CCSER1: variants seen among roughly 807,000 people sequenced by gnomAD.
The protein encoded by CCSER1 is serine-rich coiled-coil domain-containing protein 1.
In CCSER1, 41 loss-of-function variants were observed where a neutral mutation model predicts 82.0. The observed-to-expected ratio is 0.50, with a 90% confidence interval of 0.39 to 0.65. The LOEUF is 0.65. Ranked by LOEUF, CCSER1 falls within the 30% of genes least tolerant of loss-of-function variation. CCSER1 has a pLI of 0.00. For missense variants in CCSER1, 1,119 were observed against 1,064.2 expected (o/e 1.05, Z -0.72); for synonymous variants, 414 against 383.9 (o/e 1.08, Z -0.92).
At chr4:91,463,149 C>T (rs754296934) in intron 10 of CCSER1, among the ~76,000 whole-genome samples, 3 of 152,206 alleles carry the variant, frequency 2.0e-5, no homozygotes, top group Non-Finnish European at 4.4e-5. Flanking sequence ...AAGTAACCCT[C>T]TGAGACAAAG....
chr4:90,541,620 A>G (rs1277603835), intron 5 of CCSER1, among the ~76,000 whole-genome samples: 1 of 152,088 alleles, frequency 6.6e-6, no homozygotes, highest in East Asian at 1.9e-4. Flanking sequence ...GTTAGCTGCT[A>G]TGTATAAATA....
At chr4:91,352,659 C>A (rs994882501) in intron 10 of CCSER1, among the ~76,000 whole-genome samples, 4 of 152,154 alleles carry the variant, frequency 2.6e-5, no homozygotes, top group African/African-American at 7.2e-5. Context: ...AACCTGATTT[C>A]TTAGACCAAA....
intron 9 of CCSER1, among the ~76,000 whole-genome samples, chr4:91,028,857 G>A (rs1372910481): frequency 6.6e-6 from 1 of 151,974 alleles, no homozygotes; most frequent in African/African-American, 2.4e-5. Context: ...TTACAATGTA[G>A]CAGAAACATA....
intron 8 of CCSER1, among the ~76,000 whole-genome samples, chr4:90,836,662 G>A (rs528356417): frequency 2.0e-5 from 3 of 152,342 alleles, no homozygotes; most frequent in East Asian, 1.9e-4. Context: ...ACACTAGAGT[G>A]TGTGGGCCAC....
At chr4:91,123,257 A>G (rs933884160) in intron 10 of CCSER1, among the ~76,000 whole-genome samples, 11 of 151,712 alleles carry the variant, frequency 7.3e-5, no homozygotes, top group African/African-American at 2.2e-4. Flanking sequence ...TCGATTAGTC[A>G]GATTCATTAT....
chr4:90,490,401 C>T (rs368382265), intron 5 of CCSER1, among the ~76,000 whole-genome samples: 7 of 152,104 alleles, frequency 4.6e-5, no homozygotes, highest in Non-Finnish European at 7.4e-5. Context: ...TGTTTGAGTT[C>T]ATTGTAGATT....
At chr4:90,615,374 TTGATC>T (rs1280904029) in intron 5 of CCSER1, among the ~76,000 whole-genome samples, 1 of 152,154 alleles carries the variant, frequency 6.6e-6, no homozygotes, top group Non-Finnish European at 1.5e-5. Flanking sequence ...GTTCTTCTGT[TTGATC>T]TGGGTAAAAT....
rs140163453 is a variant in CCSER1 at position 91,245,799 on chromosome 4, C to T, written c.2217+159805C>T. ...GTAACCTCTGCCTCCCAGGTTCAAA[C>T]GATTCTCCTGCCTCAGCCTCCTGAG... On this transcript the variant is annotated intron_variant, in intron 10 of 10. Transcript: ENST00000509176. 1.4e-3 allele frequency among the ~76,000 whole-genome samples: 207 copies of T among 152,238 alleles called. 1 individual carries two copies. Among genetic ancestry groups the T allele is most frequent in the Non-Finnish European group, 2.3e-3 (157 of 68,014 alleles).
chr4:90,303,142 T>G (rs990727941), intron 1 of CCSER1, among the ~76,000 whole-genome samples: 1 of 152,182 alleles, frequency 6.6e-6, no homozygotes, highest in Admixed American at 6.6e-5. Context: ...TTAGTATCTA[T>G]GATGTTTTTA....
intron 3 of CCSER1, among the ~76,000 whole-genome samples, chr4:90,355,458 T>C (rs1255529192): frequency 6.6e-6 from 1 of 151,986 alleles, no homozygotes; most frequent in Non-Finnish European, 1.5e-5. Flanking sequence ...TGTAATCCTA[T>C]AAAGGCTGTT....
At chr4:90,185,512 A>G (rs184605141) in intron 1 of CCSER1, among the ~76,000 whole-genome samples, 209 of 152,176 alleles carry the variant, frequency 1.4e-3, no homozygotes, top group African/African-American at 4.8e-3. Context: ...CTGCCTTGTG[A>G]TTAGGGAAAG....
chr4:90,370,575 T>C (rs1747220452), intron 3 of CCSER1: 1 of 152,060 alleles, frequency 6.6e-6, no homozygotes, highest in South Asian at 2.1e-4. Flanking sequence ...TTGTTTTGTA[T>C]GTCTTCTTTG....
intron 1 of CCSER1, among the ~76,000 whole-genome samples, chr4:90,131,999 A>G (rs981099672): frequency 6.6e-6 from 1 of 152,226 alleles, no homozygotes; most frequent in South Asian, 2.1e-4. Flanking sequence ...CAGTAAAGAA[A>G]TTGCACAAAT....
At chr4:90,290,629 C>T (rs1005308195) in intron 1 of CCSER1, among the ~76,000 whole-genome samples, 3 of 151,954 alleles carry the variant, frequency 2.0e-5, no homozygotes, top group African/African-American at 7.3e-5. Context: ...CTGTCTCTCT[C>T]TCTCTCGCTC....
chr4:90,625,316 C>T (rs1423701757), intron 5 of CCSER1, among the ~76,000 whole-genome samples: 1 of 151,994 alleles, frequency 6.6e-6, no homozygotes, highest in African/African-American at 2.4e-5. Context: ...ATTTTTCTGC[C>T]CAATAATGGC....
chr4:91,078,299 T>A (rs536713409), intron 9 of CCSER1, among the ~76,000 whole-genome samples: 10 of 152,216 alleles, frequency 6.6e-5, no homozygotes, highest in Non-Finnish European at 5.9e-5. Context: ...CCGCAGGTGA[T>A]ACCCAGGCAA....
chr4:91,451,281 G>A (rs1238268875), intron 10 of CCSER1, among the ~76,000 whole-genome samples: 1 of 151,848 alleles, frequency 6.6e-6, no homozygotes, highest in Non-Finnish European at 1.5e-5. Flanking sequence ...AAAATTTAAG[G>A]GCTTCAAACA....
chr4:90,211,893 A>G (rs1490620434), intron 1 of CCSER1, among the ~76,000 whole-genome samples: 1 of 152,206 alleles, frequency 6.6e-6, no homozygotes, highest in African/African-American at 2.4e-5. Flanking sequence ...AGAAGAAAAT[A>G]ACAAATAATC....
chr4:90,742,293 A>T (rs1041788396), intron 7 of CCSER1, among the ~76,000 whole-genome samples: 5 of 152,184 alleles, frequency 3.3e-5, no homozygotes, highest in Non-Finnish European at 7.4e-5. Context: ...CATATCATCT[A>T]CTTAAATAAC....
Sources: gnomAD v4.1 joint callset for allele counts (sites outside exome capture counted in the v4.1 genomes callset) on GRCh38, gnomAD v4.1.1 for gene constraint, MANE v1.5 for transcripts, NCBI Gene and HGNC (gene_info 2026-07-23, HGNC 2026-07-21) for gene names.